Variants in USP47 observed in about 807,000 individuals in gnomAD.
USP47 encodes the protein ubiquitin carboxyl-terminal hydrolase 47.
Under a neutral mutation model 165.1 loss-of-function variants are expected in USP47, and 35 were observed. That is an observed-to-expected ratio of 0.21 (90% CI 0.16 to 0.28). The LOEUF (loss-of-function observed/expected upper bound fraction) is 0.28, where lower values mean the gene tolerates loss of function less well. Ranked by LOEUF, USP47 falls within the 10% of genes least tolerant of loss-of-function variation. USP47 has a pLI of 1.00. For missense variants in USP47, 1,277 were observed against 1,607.4 expected, an observed-to-expected ratio of 0.79 and a Z score of 3.52; for synonymous variants, 531 against 544.5, an observed-to-expected ratio of 0.98 and a Z score of 0.35.
intron 1 of USP47, among the ~76,000 whole-genome samples, chr11:11,863,729 A>G (rs115745816): frequency 2.2e-3 from 334 of 152,224 alleles, no homozygotes; most frequent in African/African-American, 7.7e-3. Context: ...CTATCTTTTT[A>G]ATGTTAACTT....
chr11:11,880,701 TC>T (rs1434021077), intron 2 of USP47, among the ~76,000 whole-genome samples: 1 of 152,094 alleles, frequency 6.6e-6, no homozygotes, highest in Non-Finnish European at 1.5e-5. Flanking sequence ...CTTATATTAT[TC>T]CGTGAAAAAA....
Position 11,954,978 on chromosome 11 carries a change from T to C in USP47, c.3762+34T>C, listed in dbSNP as rs986475555. The C allele has an allele frequency of 3.1e-6, 5 of 1,613,666 alleles. No individual in the cohort carries two copies. The African/African-American group carries it at 5.3e-5, about 17-fold the overall frequency. On this transcript the variant is annotated intron_variant, in intron 26 of 27. Coordinates refer to ENST00000527733, the MANE Select transcript of USP47 (RefSeq NM_001282659.2). ...CTGAGAATGTTGCATCTGTGTATTG[T>C]GCATGATAAACACAGCTAGTGGCAT...
rs529121340 is a variant in USP47, at chr11:11,899,591, TAGAC to T, written c.593+1901_593+1904del. Among the ~76,000 whole-genome samples, 8 of 152,068 alleles carry T rather than the reference TAGAC, an allele frequency of 5.3e-5. 1 individual carries two copies. The South Asian group carries it at 1.7e-3, about 32-fold the overall frequency. On this transcript the variant is annotated intron_variant, in intron 5 of 27. Transcript: ENST00000527733. ...AGGGGAGGGTCACAGCTTCAGGTAG[TAGAC>T]AGTAAGGGCCTCCCTGAGGACATTC... is the stretch of plus-strand genomic sequence containing the variant.
intron 19 of USP47, 149 bp downstream of exon 19, chr11:11,940,697 T>C (rs1590430292): frequency 1.2e-6 from 1 of 864,010 alleles, no homozygotes; most frequent in Non-Finnish European, 1.7e-6. Context: ...CCTTCCTTTG[T>C]AGTCAGGTCA....
chr11:11,933,943 T>C lies in USP47; in HGVS notation c.1869+8T>C, dbSNP rs753826144. 1 of 1,572,484 alleles carries C rather than the reference T, an allele frequency of 6.4e-7. No homozygotes were observed. The highest frequency in any genetic ancestry group is 1.7e-5 in the Admixed American group (1 of 58,770). ...GTAGAAATGGCTTATAAGGTATGTT[T>C]AATTGCATCATTGGCATTTACTTAC... On this transcript the variant is annotated splice_region_variant and intron_variant, in intron 16 of 27. Coordinates refer to ENST00000527733, the MANE Select transcript of USP47 (RefSeq NM_001282659.2).
chr11:11,952,082 A>T (rs1047831545), intron 24 of USP47: 4 of 152,216 alleles, frequency 2.6e-5, no homozygotes, highest in Admixed American at 6.5e-5. Context: ...AATTTGCCAG[A>T]CACTGCTAAT....
intron 18 of USP47, 58 bp downstream of exon 18, chr11:11,938,430 C>A (rs1299985372): frequency 6.4e-6 from 8 of 1,244,366 alleles, no homozygotes; most frequent in Non-Finnish European, 9.3e-6. Context: ...GTACAAGACA[C>A]ACTATGTGAC....
At chr11:11,948,242 A>C (rs972543960) in intron 21 of USP47, 122 bp downstream of exon 21, 7 of 1,196,134 alleles carry the variant, frequency 5.9e-6, no homozygotes, top group Non-Finnish European at 6.9e-6. Context: ...TTAATGATTA[A>C]TGGTAATTTG....
At chr11:11,868,996 A>G (rs1293241379) in intron 1 of USP47, among the ~76,000 whole-genome samples, 1 of 151,622 alleles carries the variant, frequency 6.6e-6, no homozygotes, top group African/African-American at 2.4e-5. Flanking sequence ...GTAGGTTTTT[A>G]GAGTTCTTTA....
At position 11,957,638 on chromosome 11, in the gene USP47, A is replaced by G. The variant is rs1201790432; in HGVS notation, c.*1463A>G. On this transcript the variant is annotated 3_prime_UTR_variant, in exon 28 of 28. Coordinates refer to ENST00000527733, the MANE Select transcript of USP47 (RefSeq NM_001282659.2). ...GATATCTCATTTCTATGATAAAGGT[A>G]TATTTACAGTAAAGTTCTCATAAGA... 1 of 152,646 alleles carries G rather than the reference A, an allele frequency of 6.6e-6. No homozygotes were observed. The highest frequency in any genetic ancestry group is 1.5e-5 in the Non-Finnish European group (1 of 68,040). 9.5% of individuals were successfully genotyped at this position (152,646 alleles called of 1,614,324 possible). A position where few individuals can be genotyped will look rare whatever the true frequency, so the allele number is the denominator to read the frequency against.
intron 1 of USP47, among the ~76,000 whole-genome samples, chr11:11,870,390 TAAA>T (rs1446429834): frequency 6.6e-6 from 1 of 152,230 alleles, no homozygotes; most frequent in Non-Finnish European, 1.5e-5. Flanking sequence ...AAGTCTTTAA[TAAA>T]AACTCAAGAG....
intron 25 of USP47, 31 bp downstream of exon 25, chr11:11,952,902 T>G: frequency 6.7e-7 from 1 of 1,483,596 alleles, no homozygotes; most frequent in African/African-American, 1.4e-5. Context: ...ACATGTATCT[T>G]ATGTTGTATA....
intron 8 of USP47, among the ~76,000 whole-genome samples, chr11:11,905,865 C>G (rs895328774): frequency 6.6e-6 from 1 of 150,386 alleles, no homozygotes. Flanking sequence ...TTTATAAATG[C>G]TGTTATTGTG....
At chr11:11,858,898 A>G (rs59746787) in intron 1 of USP47, among the ~76,000 whole-genome samples, 4,026 of 152,262 alleles carry the variant, frequency 0.026, 184 homozygotes, top group African/African-American at 0.09. Context: ...TCATATGGTA[A>G]GTGTATGTTT....
chr11:11,865,984 G>A (rs1849656632), intron 1 of USP47, among the ~76,000 whole-genome samples: 1 of 152,062 alleles, frequency 6.6e-6, no homozygotes, highest in Admixed American at 6.6e-5. Context: ...TACTCTGATA[G>A]TGCCCTTTGA....
At chr11:11,892,250 G>A (rs759093332) in intron 4 of USP47, 144 bp downstream of exon 4, 71 of 794,500 alleles carry the variant, frequency 8.9e-5, no homozygotes, top group Non-Finnish European at 1.2e-4. Flanking sequence ...AAAGTTAGAA[G>A]AAGTATGTGG....
rs1216032419 is a variant in USP47, at chr11:11,896,529, G to GT, written c.497-1062dup. On this transcript the variant is annotated intron_variant, in intron 4 of 27. Transcript: ENST00000527733. ...TGTTTGTATGAACTAATGAAATAATGTTTTTTATTATTAATAATCAGCTTA... is the reference window on the plus strand; with the variant it reads ...TGTTTGTATGAACTAATGAAATAATGTTTTTTTATTATTAATAATCAGCTTA... Among the ~76,000 whole-genome samples the GT allele has an allele frequency of 6.6e-5, 10 of 152,248 alleles. No homozygotes were observed. The South Asian group carries it at 2.1e-3, about 32-fold the overall frequency.
intron 4 of USP47, among the ~76,000 whole-genome samples, chr11:11,895,365 A>G (rs996905185): frequency 6.6e-6 from 1 of 152,106 alleles, no homozygotes; most frequent in Non-Finnish European, 1.5e-5. Flanking sequence ...TTACTCTATA[A>G]GCATCCAAGG....
rs1050325282 is a variant in USP47, at chr11:11,877,785, C to T, written c.40-2392C>T. ...ATAGCCTTTCTCTCTCTCTCTCTCT[C>T]TCTTTCTCTCTCTCTCTCTCTGTGT... On this transcript the variant is annotated intron_variant, in intron 1 of 27. Coordinates refer to ENST00000527733, the MANE Select transcript of USP47 (RefSeq NM_001282659.2). Among the ~76,000 whole-genome samples the T allele has an allele frequency of 1.2e-3, 153 of 131,240 alleles. 1 individual carries two copies. Among genetic ancestry groups the T allele is most frequent in the African/African-American group, 3.0e-3 (96 of 32,470 alleles). The allele number at this position is 131,240 out of a possible 152,430, so 86.1% of individuals were successfully genotyped here. A position where few individuals can be genotyped will look rare whatever the true frequency, so the allele number is the denominator to read the frequency against.
Sources: gnomAD v4.1 joint callset for allele counts (sites outside exome capture counted in the v4.1 genomes callset) on GRCh38, gnomAD v4.1.1 for gene constraint, MANE v1.5 for transcripts, NCBI Gene and HGNC (gene_info 2026-07-23, HGNC 2026-07-21) for gene names.